SERPINE2: variants seen among roughly 807,000 people sequenced by gnomAD.
The protein encoded by SERPINE2 is serpin family E member 2, also known as glia-derived nexin.
In SERPINE2, 14 loss-of-function variants were observed where a neutral mutation model predicts 36.3. That is an observed-to-expected ratio of 0.39 (90% CI 0.25 to 0.60). The LOEUF is 0.60. Among genes scored for constraint, SERPINE2 ranks in the 20% least tolerant of loss-of-function variants. SERPINE2 has a pLI of 0.57. For synonymous variants in SERPINE2, 192 were observed against 191.8 expected (o/e 1.00, Z -0.01); for missense variants, 418 against 499.6 (o/e 0.84, Z 1.56).
At position 224,002,206 on chromosome 2, in the gene SERPINE2, A is replaced by G. The variant is rs141452949; in HGVS notation, c.-22-284T>C. Among the ~76,000 whole-genome samples the G allele has an allele frequency of 4.9e-3, 737 of 151,958 alleles. 12 individuals are homozygous for G. The highest frequency in any genetic ancestry group is 0.017 in the African/African-American group (707 of 41,454). On this transcript the variant is annotated intron_variant, in intron 1 of 8. Transcript: ENST00000409304. Reference sequence around the variant, plus strand: ...TGGCCAGGCTGGTCTCAAACTCCTGACCTCAAGTGATCTGCCTGACTCAGC... The same window carrying G: ...TGGCCAGGCTGGTCTCAAACTCCTGGCCTCAAGTGATCTGCCTGACTCAGC...
At chr2:223,993,222 G>A (rs572394404) in intron 3 of SERPINE2, among the ~76,000 whole-genome samples, 3 of 152,328 alleles carry the variant, frequency 2.0e-5, no homozygotes, top group Non-Finnish European at 2.9e-5. Flanking sequence ...TTTACAAGAC[G>A]TTGGGAATGG....
chr2:223,995,244 C>G (rs1306802869), intron 3 of SERPINE2, among the ~76,000 whole-genome samples: 2 of 152,190 alleles, frequency 1.3e-5, no homozygotes, highest in East Asian at 3.9e-4. Flanking sequence ...CTCTCCCACT[C>G]TCTGTAGGGA....
At chr2:224,000,471 TACTTTAAA>T (rs1376704603) in intron 2 of SERPINE2, among the ~76,000 whole-genome samples, 2 of 152,230 alleles carry the variant, frequency 1.3e-5, no homozygotes, top group Non-Finnish European at 2.9e-5. Flanking sequence ...CATTGGGCCT[TACTTTAAA>T]ACAATTTTTT....
intron 1 of SERPINE2, among the ~76,000 whole-genome samples, chr2:224,021,943 A>C (rs1289973443): frequency 2.6e-5 from 4 of 152,022 alleles, no homozygotes; most frequent in Non-Finnish European, 5.9e-5. Context: ...GCAGATCATG[A>C]GGTTAGGAGA....
chr2:224,023,707 T>C (rs988697593), intron 1 of SERPINE2, among the ~76,000 whole-genome samples: 2 of 152,256 alleles, frequency 1.3e-5, no homozygotes, highest in Non-Finnish European at 1.5e-5. Flanking sequence ...ATTCCAGTAG[T>C]ACACATGGAC....
chr2:224,017,020 C>A (rs1691822893), intron 1 of SERPINE2, among the ~76,000 whole-genome samples: 1 of 152,124 alleles, frequency 6.6e-6, no homozygotes, highest in Non-Finnish European at 1.5e-5. Flanking sequence ...CATGAGGGGT[C>A]CCTGTGGTGG....
chr2:223,994,632 C>T (rs1690806629), intron 3 of SERPINE2, among the ~76,000 whole-genome samples: 3 of 152,112 alleles, frequency 2.0e-5, no homozygotes, highest in African/African-American at 7.2e-5. Context: ...TATACAGCTG[C>T]AATTTAAATA....
chr2:224,006,599 C>T (rs775725007), intron 1 of SERPINE2, among the ~76,000 whole-genome samples: 16 of 152,262 alleles, frequency 1.1e-4, no homozygotes, highest in South Asian at 4.1e-4. Flanking sequence ...TGGAAGCTCA[C>T]GGAAAGCAGG....
At chr2:223,992,049 G>T (rs1690695990) in intron 3 of SERPINE2, 49 bp from the exon 4 acceptor site, 4 of 1,535,296 alleles carry the variant, frequency 2.6e-6, no homozygotes, top group Non-Finnish European at 3.6e-6. Flanking sequence ...AGGACTGGTG[G>T]CCGGCTTGAG....
intron 1 of SERPINE2, among the ~76,000 whole-genome samples, chr2:224,007,213 GA>G (rs1226049599): frequency 6.6e-6 from 1 of 152,196 alleles, no homozygotes; most frequent in Non-Finnish European, 1.5e-5. Flanking sequence ...AAAACCACTG[GA>G]AAGACTCTTC....
intron 1 of SERPINE2, among the ~76,000 whole-genome samples, chr2:224,031,677 C>T (rs1356265260): frequency 6.6e-6 from 1 of 152,172 alleles, no homozygotes; most frequent in African/African-American, 2.4e-5. Context: ...CCTCACTCCT[C>T]TGCCCACAGC....
intron 2 of SERPINE2, 88 bp downstream of exon 2, chr2:224,001,554 G>T: frequency 6.8e-7 from 1 of 1,466,672 alleles, no homozygotes. Flanking sequence ...CTGCTTCTTG[G>T]GGTTGTCAGC....
intron 3 of SERPINE2, among the ~76,000 whole-genome samples, chr2:223,993,569 T>C (rs868544021): frequency 6.6e-6 from 1 of 152,116 alleles, no homozygotes; most frequent in African/African-American, 2.4e-5. Flanking sequence ...TATGTGTGTA[T>C]GTGTATAAAT....
chr2:224,012,535 A>G (rs7576030), intron 1 of SERPINE2, among the ~76,000 whole-genome samples: 120,433 of 150,502 alleles, frequency 0.8, 49,322 homozygotes, highest in Non-Finnish European at 0.9. Context: ...CCCAGGAGGC[A>G]GAGCTTGCAG....
chr2:224,014,038 C>T (rs1247200352), intron 1 of SERPINE2: 1 of 152,252 alleles, frequency 6.6e-6, no homozygotes, highest in African/African-American at 2.4e-5. Flanking sequence ...AAGTAACTGG[C>T]CTCATTCCTT....
At chr2:224,030,220 C>T (rs1017972902) in intron 1 of SERPINE2, 3 of 985,272 alleles carry the variant, frequency 3.0e-6, no homozygotes, top group African/African-American at 1.7e-5. Context: ...GCGGGCAGGA[C>T]AGATGACCAG....
intron 1 of SERPINE2, among the ~76,000 whole-genome samples, chr2:224,005,097 A>ATATATATATATATATATAT (rs58677711): frequency 9.4e-5 from 12 of 127,096 alleles, no homozygotes; most frequent in African/African-American, 3.1e-4. Context: ...ATATATATAT[A>ATATATATATATATATATAT]AAACATTGTA....
At chr2:223,987,625 C>A (rs1055113483) in intron 4 of SERPINE2, among the ~76,000 whole-genome samples, 2 of 152,160 alleles carry the variant, frequency 1.3e-5, no homozygotes, top group African/African-American at 4.8e-5. Context: ...TAAGGATTTT[C>A]TCTTAGATGA....
intron 1 of SERPINE2, chr2:224,038,497 C>T: frequency 6.4e-7 from 1 of 1,551,622 alleles, no homozygotes; most frequent in Non-Finnish European, 8.7e-7. Context: ...TACCTGCAGT[C>T]ACTCATCCGC....
Sources: allele counts gnomAD v4.1 joint callset (sites outside exome capture counted in the v4.1 genomes callset), GRCh38; gene constraint gnomAD v4.1.1; transcripts MANE v1.5; gene names NCBI Gene and HGNC (gene_info 2026-07-23, HGNC 2026-07-21).